CBLB: variants seen among roughly 807,000 people sequenced by gnomAD.
CBLB encodes Cbl proto-oncogene B, also known as E3 ubiquitin-protein ligase CBL-B.
Under a neutral mutation model 104.9 loss-of-function variants are expected in CBLB, and 31 were observed. The observed-to-expected ratio is 0.30, with a 90% CI of 0.22 to 0.40. The LOEUF (loss-of-function observed/expected upper bound fraction) is 0.40. CBLB is among the 10% of genes least tolerant of loss of function. CBLB has a pLI of 1.00. For missense variants in CBLB, 1,062 were observed against 1,214.6 expected, an observed-to-expected ratio of 0.87 and a Z score of 1.87; for synonymous variants, 440 against 422.6, an observed-to-expected ratio of 1.04 and a Z score of -0.51.
intron 10 of CBLB, among the ~76,000 whole-genome samples, chr3:105,711,924 T>C (rs1395069433): frequency 6.6e-6 from 1 of 152,116 alleles, no homozygotes; most frequent in Non-Finnish European, 1.5e-5. Flanking sequence ...AACAGAAACC[T>C]ATATATTAAG....
chr3:105,678,231 T>C (rs532445820), intron 17 of CBLB, among the ~76,000 whole-genome samples, 200 bp downstream of exon 17: 7 of 152,322 alleles, frequency 4.6e-5, no homozygotes, highest in Admixed American at 3.9e-4. Flanking sequence ...TATTGCTCTT[T>C]CCATCTCTGT....
At chr3:105,863,252 T>C (rs920347505) in intron 2 of CBLB, among the ~76,000 whole-genome samples, 9 of 152,292 alleles carry the variant, frequency 5.9e-5, no homozygotes, top group African/African-American at 1.9e-4. Context: ...AGAAGTCATG[T>C]ACCAAACTTT....
rs1452650850 is a variant in CBLB, at chr3:105,711,587, AC to A, written c.1408-7415del. Among the ~76,000 whole-genome samples the A allele has an allele frequency of 2.6e-5, 4 of 152,252 alleles. No homozygotes were observed. The East Asian group carries it at 7.7e-4, about 29-fold the overall frequency. On this transcript the variant is annotated intron_variant, in intron 10 of 18. Transcript: ENST00000394030. The stretch of plus-strand genomic sequence containing the variant: ...TTTAGAGTACCTCCACAGATAATAA[AC>A]AAAAGCTTATATGAAGAATATTGTG...
Position 105,679,634 on chromosome 3 carries a change from G to C in CBLB, c.2429-1063C>G, listed in dbSNP as rs984776349. 5.3e-5 allele frequency among the ~76,000 whole-genome samples: 8 copies of C among 152,088 alleles called. No individual in the cohort carries two copies. The East Asian group carries it at 1.6e-3, about 29-fold the overall frequency. On this transcript the variant is annotated intron_variant, in intron 16 of 18. Coordinates refer to ENST00000394030, the MANE Select transcript of CBLB (RefSeq NM_170662.5). ...CTGCTAAAATACAAAAAATTAGCCGGGCATGGTGGTACGTGACTGTAATCC... is the reference window on the plus strand; with the variant it reads ...CTGCTAAAATACAAAAAATTAGCCGCGCATGGTGGTACGTGACTGTAATCC...
intron 17 of CBLB, among the ~76,000 whole-genome samples, chr3:105,674,466 G>A (rs1226224833): frequency 6.6e-6 from 1 of 152,182 alleles, no homozygotes; most frequent in Non-Finnish European, 1.5e-5. Flanking sequence ...GATTAGATAA[G>A]ATCTTCAAGT....
intron 2 of CBLB, among the ~76,000 whole-genome samples, chr3:105,864,848 C>T (rs1045115920): frequency 8.5e-5 from 13 of 152,124 alleles, no homozygotes; most frequent in Admixed American, 3.9e-4. Context: ...CTTCATTATT[C>T]CCTGTAAAAA....
intron 3 of CBLB, among the ~76,000 whole-genome samples, chr3:105,834,678 A>C (rs1191609420): frequency 7.7e-6 from 1 of 130,372 alleles, no homozygotes; most frequent in Non-Finnish European, 1.7e-5. Context: ...AAAATCAAGT[A>C]AGCAAGCAAG....
At chr3:105,702,993 T>C (rs1389939598) in intron 11 of CBLB, among the ~76,000 whole-genome samples, 1 of 152,212 alleles carries the variant, frequency 6.6e-6, no homozygotes, top group Non-Finnish European at 1.5e-5. Context: ...ATTACCAGAA[T>C]AGTAAAAGAT....
At position 105,656,900 on chromosome 3, in the gene CBLB, C is replaced by T. The variant is rs1231253086; in HGVS notation, c.*2070G>A. ...AAGGTGACATCTGAAACTGTTAAAA[C>T]AAGTGAAAAATCATAATGACAAAAC... On this transcript the variant is annotated 3_prime_UTR_variant, in exon 19 of 19. Coordinates refer to ENST00000394030, the MANE Select transcript of CBLB (RefSeq NM_170662.5). 1 of 212,708 alleles carries T rather than the reference C, an allele frequency of 4.7e-6. No homozygotes were observed. Among genetic ancestry groups the T allele is most frequent in the Non-Finnish European group, 9.5e-6 (1 of 105,234 alleles). 13.2% of individuals were successfully genotyped at this position (212,708 alleles called of 1,614,324 possible). A position where few individuals can be genotyped will look rare whatever the true frequency, so the allele number is the denominator to read the frequency against.
At chr3:105,722,450 T>C (rs769870583) in intron 9 of CBLB, among the ~76,000 whole-genome samples, 2 of 152,308 alleles carry the variant, frequency 1.3e-5, no homozygotes, top group East Asian at 3.9e-4. Flanking sequence ...GTTTCATCTA[T>C]ATGTTCTCTT....
chr3:105,792,978 G>T (rs751469825), intron 3 of CBLB, among the ~76,000 whole-genome samples: 4 of 151,974 alleles, frequency 2.6e-5, no homozygotes, highest in Non-Finnish European at 5.9e-5. Flanking sequence ...TTTATCCTCT[G>T]GAACTGATTT....
chr3:105,798,839 T>C (rs937387115), intron 3 of CBLB, among the ~76,000 whole-genome samples: 1 of 152,210 alleles, frequency 6.6e-6, no homozygotes, highest in African/African-American at 2.4e-5. Flanking sequence ...CAAAATCTCC[T>C]AACTGCCTGC....
intron 10 of CBLB, among the ~76,000 whole-genome samples, chr3:105,717,739 C>G (rs1368679412): frequency 6.6e-6 from 1 of 152,156 alleles, no homozygotes; most frequent in Non-Finnish European, 1.5e-5. Context: ...ACATCAATAT[C>G]ACCAGCTCCG....
intron 4 of CBLB, 115 bp downstream of exon 4, chr3:105,776,281 T>A (rs2079445543): frequency 1.1e-6 from 1 of 951,812 alleles, no homozygotes; most frequent in Non-Finnish European, 1.6e-6. Flanking sequence ...TTATCAAAAA[T>A]AATAAAATAC....
chr3:105,721,811 A>C (rs2072873505), intron 9 of CBLB, among the ~76,000 whole-genome samples: 1 of 152,090 alleles, frequency 6.6e-6, no homozygotes, highest in Non-Finnish European at 1.5e-5. Context: ...AGAAAAGCAA[A>C]ATCTTTCTCC....
chr3:105,802,327 C>A (rs749878264), intron 3 of CBLB, among the ~76,000 whole-genome samples: 2 of 152,304 alleles, frequency 1.3e-5, no homozygotes, highest in East Asian at 3.9e-4. Flanking sequence ...CCTCCTTGGC[C>A]TTATGCAAAA....
intron 6 of CBLB, among the ~76,000 whole-genome samples, chr3:105,742,326 G>A (rs16851553): frequency 0.069 from 10,427 of 152,174 alleles, 517 homozygotes; most frequent in Admixed American, 0.15. Flanking sequence ...CATAATGGCT[G>A]CAGTCACTGG....
chr3:105,682,774 A>T (rs1559804472), intron 14 of CBLB, among the ~76,000 whole-genome samples: 1 of 152,178 alleles, frequency 6.6e-6, no homozygotes, highest in Non-Finnish European at 1.5e-5. Flanking sequence ...AAGTGCTGGG[A>T]TAACAGGCAT....
intron 3 of CBLB, among the ~76,000 whole-genome samples, chr3:105,848,611 C>A (rs1402583668): frequency 2.6e-5 from 4 of 152,036 alleles, no homozygotes; most frequent in African/African-American, 9.7e-5. Context: ...ATTGTTGACA[C>A]AACAGAGGTG....
Sources: gnomAD v4.1 joint callset for allele counts (sites outside exome capture counted in the v4.1 genomes callset) on GRCh38, gnomAD v4.1.1 for gene constraint, MANE v1.5 for transcripts, NCBI Gene and HGNC (gene_info 2026-07-23, HGNC 2026-07-21) for gene names.